Variants in ATPAF1 observed in about 807,000 individuals in gnomAD.
ATPAF1 encodes the protein ATP synthase mitochondrial F1 complex assembly factor 1, also known as homolog of yeast ATP11.
Under a neutral mutation model 43.9 loss-of-function variants are expected in ATPAF1, and 26 were observed. The ratio of observed to expected loss-of-function variants is 0.59; its 90% CI spans 0.43 to 0.82. ATPAF1 has a LOEUF of 0.82. Ranked by LOEUF, ATPAF1 falls within the 40% of genes least tolerant of loss-of-function variation. The pLI is 0.00. For missense variants in ATPAF1, 366 were observed against 435.0 expected, an observed-to-expected ratio of 0.84 and a Z score of 1.41; for synonymous variants, 157 against 168.0, an observed-to-expected ratio of 0.93 and a Z score of 0.50.
chr1:46,643,630 C>T (rs1184216368), intron 7 of ATPAF1, among the ~76,000 whole-genome samples: 1 of 152,210 alleles, frequency 6.6e-6, no homozygotes, highest in Non-Finnish European at 1.5e-5. Flanking sequence ...CTAAAGAAAG[C>T]AATGTGCCTG....
chr1:46,633,844 A>C (rs1480364720), downstream of ATPAF1: 2 of 456,140 alleles, frequency 4.4e-6, no homozygotes, highest in Admixed American at 4.7e-5. Flanking sequence ...AAGACAAGCA[A>C]ACATAACTGG....
intron 1 of ATPAF1, 145 bp downstream of exon 1, chr1:46,667,907 CAAGTG>C (rs1676518168): frequency 8.8e-6 from 5 of 565,504 alleles, no homozygotes; most frequent in Admixed American, 8.8e-5. Context: ...TGATCTTGGG[CAAGTG>C]ACCTAGCCTC....
intron 2 of ATPAF1, among the ~76,000 whole-genome samples, chr1:46,662,482 A>C (rs1369984303): frequency 6.7e-6 from 1 of 150,114 alleles, no homozygotes; most frequent in Non-Finnish European, 1.5e-5. Context: ...GCTGGAATGC[A>C]GTGCCATGAC....
At chr1:46,647,754 T>C (rs1168924961) in intron 6 of ATPAF1, among the ~76,000 whole-genome samples, 1 of 152,238 alleles carries the variant, frequency 6.6e-6, no homozygotes, top group Non-Finnish European at 1.5e-5. Context: ...AAAGTGGTTG[T>C]ACCATTTTGC....
At chr1:46,665,412 T>G in intron 1 of ATPAF1, 48 bp from the exon 2 acceptor site, 1 of 1,563,368 alleles carries the variant, frequency 6.4e-7, no homozygotes, top group East Asian at 2.3e-5. Flanking sequence ...CTTTTTGAAT[T>G]CTAAAATAAC....
At chr1:46,652,789 A>C (rs937039454) in intron 5 of ATPAF1, among the ~76,000 whole-genome samples, 161 bp from the exon 6 acceptor site, 14 of 152,228 alleles carry the variant, frequency 9.2e-5, no homozygotes, top group African/African-American at 3.4e-4. Flanking sequence ...GAAAGACAGG[A>C]AAAACCAGAT....
At chr1:46,644,670 A>G (rs901099548) in intron 7 of ATPAF1, among the ~76,000 whole-genome samples, 2 of 152,188 alleles carry the variant, frequency 1.3e-5, no homozygotes, top group Non-Finnish European at 2.9e-5. Context: ...TCTAACTTTT[A>G]AATATAATAT....
chr1:46,638,668 G>C (rs1675889842), intron 8 of ATPAF1, among the ~76,000 whole-genome samples: 1 of 151,790 alleles, frequency 6.6e-6, no homozygotes, highest in African/African-American at 2.4e-5. Flanking sequence ...CAGTGAGTAG[G>C]ATAGGAAGGT....
intron 8 of ATPAF1, among the ~76,000 whole-genome samples, chr1:46,638,895 T>G (rs1675894462): frequency 6.6e-6 from 1 of 152,174 alleles, no homozygotes; most frequent in Non-Finnish European, 1.5e-5. Flanking sequence ...CTTTCAATTT[T>G]CAAATCTACA....
At chr1:46,635,288 A>T (rs1675816440) in exon 9 of ATPAF1, 4 of 155,694 alleles carry the variant, frequency 2.6e-5, no homozygotes, top group Admixed American at 6.2e-5. Context: ...ATATCTGGTT[A>T]TTCTACAGTT....
chr1:46,665,491 A>C, intron 1 of ATPAF1, 127 bp from the exon 2 acceptor site: 3 of 1,230,360 alleles, frequency 2.4e-6, no homozygotes, highest in Non-Finnish European at 3.4e-6. Context: ...ATTTGCCTTC[A>C]GTTAGTAAGA....
intron 6 of ATPAF1, among the ~76,000 whole-genome samples, chr1:46,650,878 G>A (rs1676152544): frequency 6.6e-6 from 1 of 151,836 alleles, no homozygotes; most frequent in Admixed American, 6.6e-5. Context: ...GGAACGAATA[G>A]CCAAAGTTTG....
intron 2 of ATPAF1, among the ~76,000 whole-genome samples, chr1:46,662,440 AC>A (rs1676407426): frequency 6.7e-6 from 1 of 149,290 alleles, no homozygotes; most frequent in African/African-American, 2.5e-5. Context: ...ATTATAATTA[AC>A]CCATCTGTTA....
At chr1:46,657,997 A>T in intron 4 of ATPAF1, 130 bp downstream of exon 4, 1 of 853,162 alleles carries the variant, frequency 1.2e-6, no homozygotes, top group Non-Finnish European at 1.9e-6. Flanking sequence ...TCTTCAAGTA[A>T]TTCATCACTT....
chr1:46,652,145 T>C (rs1676181213), intron 6 of ATPAF1, among the ~76,000 whole-genome samples: 1 of 150,258 alleles, frequency 6.7e-6, no homozygotes, highest in Non-Finnish European at 1.5e-5. Context: ...TGTATTGAAC[T>C]ATCACACTGT....
chr1:46,663,400 C>T (rs1472145511), intron 2 of ATPAF1, among the ~76,000 whole-genome samples: 1 of 152,250 alleles, frequency 6.6e-6, no homozygotes, highest in Non-Finnish European at 1.5e-5. Context: ...GTCCCACCAA[C>T]AGTGTAAAAG....
Position 46,635,980 on chromosome 1 carries a change from A to T in ATPAF1, c.793-10T>A, listed in dbSNP as rs371729171. Reference sequence around the variant, plus strand: ...GTGCCTCAGCAACATTCTGTAAGGTAAAAAGAATAATGAGGTCCTTTCTTG... The same window carrying T: ...GTGCCTCAGCAACATTCTGTAAGGTTAAAAGAATAATGAGGTCCTTTCTTG... On this transcript the variant is annotated splice_polypyrimidine_tract_variant and intron_variant, in intron 8 of 8. Coordinates refer to ENST00000574428, the Ensembl canonical transcript of ATPAF1. 3.7e-5 allele frequency: 60 copies of T among 1,613,532 alleles called. No homozygotes were observed. The South Asian group carries it at 6.6e-4, about 18-fold the overall frequency.
At chr1:46,635,441 A>T (rs904109986) in exon 9 of ATPAF1, 1 of 236,782 alleles carries the variant, frequency 4.2e-6, no homozygotes, top group Non-Finnish European at 8.3e-6. Flanking sequence ...TTTGGGAGCT[A>T]TAAGGTCAAA....
intron 6 of ATPAF1, among the ~76,000 whole-genome samples, chr1:46,647,523 C>T (rs1026040446): frequency 6.9e-6 from 1 of 144,336 alleles, no homozygotes; most frequent in African/African-American, 2.6e-5. Context: ...CACACACACA[C>T]ATGCACATTC....
Sources: gnomAD v4.1 joint callset for allele counts (sites outside exome capture counted in the v4.1 genomes callset) on GRCh38, gnomAD v4.1.1 for gene constraint, MANE v1.5 for transcripts, NCBI Gene and HGNC (gene_info 2026-07-23, HGNC 2026-07-21) for gene names.